SRPK1: variants seen among roughly 807,000 people sequenced by gnomAD.
SRPK1 encodes the protein SFRS protein kinase 1.
SRPK1 carries 52 observed loss-of-function variants against 89.5 expected under a neutral mutation model. The observed-to-expected ratio is 0.58, with a 90% confidence interval of 0.46 to 0.73. SRPK1 has a LOEUF of 0.73. SRPK1 is among the 30% of genes least tolerant of loss of function. The probability of loss-of-function intolerance (pLI) is 0.00; values close to 1 mark genes in which losing one functional copy is unlikely to be tolerated. For missense variants in SRPK1, 603 were observed against 780.6 expected, an observed-to-expected ratio of 0.77 and a Z score of 2.71; for synonymous variants, 255 against 270.2, an observed-to-expected ratio of 0.94 and a Z score of 0.55.
chr6:35,843,932 C>A (rs1387547715), intron 13 of SRPK1, among the ~76,000 whole-genome samples: 1 of 147,556 alleles, frequency 6.8e-6, no homozygotes, highest in African/African-American at 2.5e-5. Context: ...AAGTGCCATG[C>A]AGAATGAAAA....
At chr6:35,859,696 C>T (rs1769738722) in intron 12 of SRPK1, among the ~76,000 whole-genome samples, 1 of 152,156 alleles carries the variant, frequency 6.6e-6, no homozygotes, top group African/African-American at 2.4e-5. Context: ...AATTCCATTA[C>T]TGAATGCCAG....
chr6:35,879,632 T>C lies in SRPK1; in HGVS notation c.479-5293A>G, dbSNP rs143116470. On this transcript the variant is annotated intron_variant, in intron 6 of 15. Coordinates refer to ENST00000373825, the MANE Select transcript of SRPK1 (RefSeq NM_003137.5). ...CCAGAGTTACCATATTAGATTTAAA[T>C]GTCCAGTTTTCAAAAGAAAATCACA... Among the ~76,000 whole-genome samples, 117 of 152,314 alleles carry C rather than the reference T, an allele frequency of 7.7e-4. 1 individual carries two copies. The East Asian group carries it at 0.021, about 28-fold the overall frequency.
chr6:35,917,168 T>C (rs965291573), intron 2 of SRPK1, among the ~76,000 whole-genome samples: 1 of 152,010 alleles, frequency 6.6e-6, no homozygotes, highest in African/African-American at 2.4e-5. Flanking sequence ...TGAAAACAAA[T>C]GTTCAGAGGG....
chr6:35,880,044 T>C (rs534907862), intron 6 of SRPK1, among the ~76,000 whole-genome samples: 1 of 136,964 alleles, frequency 7.3e-6, no homozygotes, highest in South Asian at 2.3e-4. Flanking sequence ...CTGGGTGGTG[T>C]GAAGACCTTG....
intron 1 of SRPK1, 139 bp downstream of exon 1, chr6:35,920,905 T>TGGGGCGGCGCCACCTCAGTGGA (rs1771223469): frequency 1.1e-6 from 1 of 899,920 alleles, no homozygotes; most frequent in South Asian, 1.8e-5. Flanking sequence ...GCAGGGGGTG[T>TGGGGCGGCGCCACCTCAGTGGA]GGGGCGGCGC....
intron 2 of SRPK1, among the ~76,000 whole-genome samples, chr6:35,919,371 T>A (rs1021197669): frequency 2.0e-5 from 3 of 152,114 alleles, no homozygotes; most frequent in African/African-American, 7.2e-5. Flanking sequence ...CACACACCCC[T>A]ACACCCCCCT....
intron 12 of SRPK1, among the ~76,000 whole-genome samples, chr6:35,858,340 TAAA>T (rs565310448): frequency 6.9e-6 from 1 of 145,756 alleles, no homozygotes. Context: ...CTTTGTCACC[TAAA>T]AAAAAAAAAT....
At chr6:35,892,193 AT>A (rs776258166) in intron 2 of SRPK1, among the ~76,000 whole-genome samples, 2 of 152,138 alleles carry the variant, frequency 1.3e-5, no homozygotes, top group Non-Finnish European at 2.9e-5. Flanking sequence ...TAAAAATCAT[AT>A]TTCATTTTAT....
At chr6:35,877,444 G>A (rs570722751) in intron 6 of SRPK1, among the ~76,000 whole-genome samples, 1 of 152,274 alleles carries the variant, frequency 6.6e-6, no homozygotes, top group African/African-American at 2.4e-5. Context: ...AACTGACTTA[G>A]AACCATCACA....
intron 13 of SRPK1, 122 bp from the exon 14 acceptor site, chr6:35,842,726 TAA>T (rs1190520802): frequency 3.5e-4 from 135 of 381,262 alleles, no homozygotes; most frequent in Middle Eastern, 6.1e-4. Context: ...ATAGATCATT[TAA>T]AAAAAAAAAA....
chr6:35,882,161 T>TAGTAGTAGTAGTAGC (rs1480474645), intron 6 of SRPK1, among the ~76,000 whole-genome samples: 2 of 118,392 alleles, frequency 1.7e-5, no homozygotes, highest in African/African-American at 3.0e-5. Context: ...GTAGTAGTAG[T>TAGTAGTAGTAGTAGC]AGCAGCAGCA....
At chr6:35,865,790 C>A (rs1239595075) in intron 12 of SRPK1, among the ~76,000 whole-genome samples, 2 of 151,982 alleles carry the variant, frequency 1.3e-5, no homozygotes, top group Non-Finnish European at 2.9e-5. Context: ...AAAAATCAAC[C>A]CAAGACCAAT....
At chr6:35,871,097 T>C in intron 8 of SRPK1, 138 bp from the exon 9 acceptor site, 1 of 495,746 alleles carries the variant, frequency 2.0e-6, no homozygotes, top group Non-Finnish European at 3.4e-6. Flanking sequence ...TGTTTTTAAA[T>C]GACTTAAGTA....
chr6:35,835,095 A>C lies in SRPK1; in HGVS notation c.*209T>G, dbSNP rs1769147080. On this transcript the variant is annotated 3_prime_UTR_variant, in exon 16 of 16. Transcript: ENST00000373825. ...ATTAGTCTTTGGCAGAGCCCAACCA[A>C]GGCCAAATTCACCTAGGATGCCCAA... The C allele has an allele frequency of 2.1e-6, 1 of 471,202 alleles. No individual in the cohort carries two copies. The highest frequency in any genetic ancestry group is 3.8e-6 in the Non-Finnish European group (1 of 265,820). The allele number at this position is 471,202 out of a possible 1,614,324, so 29.2% of individuals were successfully genotyped here. A position where few individuals can be genotyped will look rare whatever the true frequency, so the allele number is the denominator to read the frequency against.
intron 13 of SRPK1, among the ~76,000 whole-genome samples, chr6:35,852,106 T>A (rs1205048798): frequency 1.3e-5 from 2 of 152,166 alleles, no homozygotes; most frequent in African/African-American, 4.8e-5. Flanking sequence ...ACAATGAAGG[T>A]CCTACAGTTA....
chr6:35,862,911 T>A (rs541860141), intron 12 of SRPK1, among the ~76,000 whole-genome samples: 2 of 152,280 alleles, frequency 1.3e-5, no homozygotes, highest in East Asian at 3.9e-4. Context: ...ACATCTGTAA[T>A]CCTAGCACTT....
chr6:35,893,209 T>C (rs973073188), intron 2 of SRPK1, among the ~76,000 whole-genome samples: 2 of 152,050 alleles, frequency 1.3e-5, no homozygotes, highest in East Asian at 1.9e-4. Context: ...ATGGGGCCGG[T>C]TGCGGTGGCT....
At chr6:35,883,803 T>C (rs934484469) in intron 6 of SRPK1, among the ~76,000 whole-genome samples, 1 of 151,966 alleles carries the variant, frequency 6.6e-6, no homozygotes, top group African/African-American at 2.4e-5. Flanking sequence ...GGCGCTATCT[T>C]GGCTCACTGC....
chr6:35,869,456 T>C (rs752958542), intron 11 of SRPK1, 26 bp downstream of exon 11: 9 of 1,602,134 alleles, frequency 5.6e-6, no homozygotes, highest in South Asian at 5.6e-5. Context: ...GGAAGGAGTG[T>C]TGAGGAAGTA....
Sources: allele counts gnomAD v4.1 joint callset (sites outside exome capture counted in the v4.1 genomes callset), GRCh38; gene constraint gnomAD v4.1.1; transcripts MANE v1.5; gene names NCBI Gene and HGNC (gene_info 2026-07-23, HGNC 2026-07-21).